Variants in KCNH5 observed in about 807,000 individuals in gnomAD.
KCNH5 encodes the protein voltage-gated delayed rectifier potassium channel KCNH5.
Under a neutral mutation model 96.1 loss-of-function variants are expected in KCNH5, and 46 were observed. That is an observed-to-expected ratio of 0.48 (90% CI 0.38 to 0.61). The LOEUF (loss-of-function observed/expected upper bound fraction) is 0.61, where lower values mean the gene tolerates loss of function less well. KCNH5 is among the 20% of genes least tolerant of loss of function. KCNH5 has a pLI of 0.00. For missense variants in KCNH5, 907 were observed against 1,225.8 expected, an observed-to-expected ratio of 0.74 and a Z score of 3.88; for synonymous variants, 439 against 449.8, an observed-to-expected ratio of 0.98 and a Z score of 0.30.
chr14:62,790,046 C>A (rs1427767532), intron 9 of KCNH5, among the ~76,000 whole-genome samples: 1 of 149,954 alleles, frequency 6.7e-6, no homozygotes, highest in Non-Finnish European at 1.5e-5. Flanking sequence ...GTCTCACAGG[C>A]ATTTTATCCA....
chr14:62,853,332 G>A (rs996550023), intron 7 of KCNH5, among the ~76,000 whole-genome samples: 4 of 151,356 alleles, frequency 2.6e-5, no homozygotes, highest in South Asian at 2.1e-4. Flanking sequence ...TTCACAAAAG[G>A]GTTGCGCTAA....
chr14:62,863,922 C>T (rs1422961252), intron 7 of KCNH5, among the ~76,000 whole-genome samples: 1 of 152,038 alleles, frequency 6.6e-6, no homozygotes, highest in Non-Finnish European at 1.5e-5. Flanking sequence ...TTATGGGCAC[C>T]TCTTGAGTAT....
intron 8 of KCNH5, among the ~76,000 whole-genome samples, chr14:62,815,806 T>C (rs1354631323): frequency 6.6e-6 from 1 of 152,006 alleles, no homozygotes; most frequent in African/African-American, 2.4e-5. Flanking sequence ...CTACCAGTCT[T>C]CCAATAGAGA....
intron 1 of KCNH5, among the ~76,000 whole-genome samples, chr14:63,031,957 T>C (rs1472045264): frequency 6.6e-6 from 1 of 152,114 alleles, no homozygotes; most frequent in Non-Finnish European, 1.5e-5. Context: ...TTTTTACCTT[T>C]TTTATGCAAA....
intron 7 of KCNH5, among the ~76,000 whole-genome samples, chr14:62,944,600 T>C (rs1889851019): frequency 6.6e-6 from 1 of 152,230 alleles, no homozygotes; most frequent in East Asian, 1.9e-4. Context: ...TCCTTGGTGT[T>C]CTTGTAGGAA....
intron 2 of KCNH5, among the ~76,000 whole-genome samples, chr14:63,010,254 A>C (rs2139601130): frequency 1.3e-5 from 2 of 152,324 alleles, no homozygotes; most frequent in East Asian, 3.9e-4. Flanking sequence ...CAGTAAAATA[A>C]GGACAATAAT....
At chr14:63,043,687 C>T (rs545951756) in intron 1 of KCNH5, among the ~76,000 whole-genome samples, 1 of 152,158 alleles carries the variant, frequency 6.6e-6, no homozygotes, top group South Asian at 2.1e-4. Flanking sequence ...AGTTTAAAAC[C>T]TCAAATTAAA....
At chr14:62,908,636 A>G (rs530551221) in intron 7 of KCNH5, among the ~76,000 whole-genome samples, 1 of 152,236 alleles carries the variant, frequency 6.6e-6, no homozygotes, top group East Asian at 1.9e-4. Flanking sequence ...CTCCTGGCAA[A>G]TAACACTTCA....
chr14:62,734,404 G>A (rs11627838), intron 10 of KCNH5, among the ~76,000 whole-genome samples: 85,116 of 151,904 alleles, frequency 0.56, 24,264 homozygotes, highest in East Asian at 0.7. Flanking sequence ...CTGTGCTATT[G>A]ATAACAAACC....
intron 9 of KCNH5, among the ~76,000 whole-genome samples, chr14:62,797,642 T>C (rs1045922447): frequency 1.3e-5 from 2 of 152,188 alleles, no homozygotes; most frequent in Admixed American, 1.3e-4. Context: ...TTTTTTCTTT[T>C]TGTAATAAAA....
At chr14:62,823,644 C>T (rs899527194) in intron 8 of KCNH5, among the ~76,000 whole-genome samples, 1 of 152,086 alleles carries the variant, frequency 6.6e-6, no homozygotes, top group African/African-American at 2.4e-5. Context: ...ATTATAAACA[C>T]TTCAGATTAT....
chr14:62,766,829 G>A (rs777047002), intron 10 of KCNH5, among the ~76,000 whole-genome samples: 1 of 152,066 alleles, frequency 6.6e-6, no homozygotes, highest in Non-Finnish European at 1.5e-5. Context: ...CTAAAAGAGT[G>A]TAACTGGATT....
Position 63,002,947 on chromosome 14 carries a change from A to T in KCNH5, c.305-1488T>A, listed in dbSNP as rs185860516. 3.9e-5 allele frequency among the ~76,000 whole-genome samples: 6 copies of T among 152,220 alleles called. No homozygotes were observed. In the East Asian group the frequency reaches 1.2e-3, roughly 29 times the overall value. ...TGACCAGGAACTGTGAGTGATGTGC[A>T]CGGTTTTACAAATCACCAGACCCAG... On this transcript the variant is annotated intron_variant, in intron 3 of 10. Coordinates refer to ENST00000322893, the MANE Select transcript of KCNH5 (RefSeq NM_139318.5).
chr14:62,963,317 C>T (rs968052018), intron 6 of KCNH5, among the ~76,000 whole-genome samples: 2 of 152,024 alleles, frequency 1.3e-5, no homozygotes, highest in Non-Finnish European at 2.9e-5. Context: ...TGGTTTCAGG[C>T]CTCCACTGGG....
intron 2 of KCNH5, among the ~76,000 whole-genome samples, chr14:63,012,175 T>C (rs1036320448): frequency 6.6e-6 from 1 of 152,194 alleles, no homozygotes; most frequent in Non-Finnish European, 1.5e-5. Flanking sequence ...GATCATATGC[T>C]TTTAAATGTC....
chr14:62,858,572 T>C (rs138517830), intron 7 of KCNH5, among the ~76,000 whole-genome samples: 1 of 152,328 alleles, frequency 6.6e-6, no homozygotes, highest in Non-Finnish European at 1.5e-5. Context: ...GTGGCAATCT[T>C]AACTTCCAGT....
chr14:63,017,975 A>G (rs1891357402), intron 1 of KCNH5, among the ~76,000 whole-genome samples: 1 of 151,894 alleles, frequency 6.6e-6, no homozygotes, highest in Non-Finnish European at 1.5e-5. Context: ...CAGTGGGATA[A>G]AATAAAGATT....
intron 8 of KCNH5, among the ~76,000 whole-genome samples, chr14:62,824,082 G>C (rs1887169561): frequency 6.6e-6 from 1 of 150,866 alleles, no homozygotes; most frequent in Non-Finnish European, 1.5e-5. Context: ...ATCCCAGAGA[G>C]AAAAAAAAAT....
chr14:63,022,184 T>C (rs2139613545), intron 1 of KCNH5, among the ~76,000 whole-genome samples: 1 of 152,318 alleles, frequency 6.6e-6, no homozygotes, highest in East Asian at 1.9e-4. Flanking sequence ...CCACCATCCA[T>C]ACAATTTTAT....
Sources: allele counts gnomAD v4.1 joint callset (sites outside exome capture counted in the v4.1 genomes callset), GRCh38; gene constraint gnomAD v4.1.1; transcripts MANE v1.5; gene names NCBI Gene and HGNC (gene_info 2026-07-23, HGNC 2026-07-21).